SLX4IP: variants seen among roughly 807,000 people sequenced by gnomAD.
SLX4IP encodes protein SLX4IP.
SLX4IP carries 34 observed loss-of-function variants against 32.9 expected under a neutral mutation model. The observed-to-expected ratio is 1.03, with a 90% CI of 0.79 to 1.38. SLX4IP has a LOEUF of 1.38. Among genes scored for constraint, SLX4IP ranks in the 40% most tolerant of loss-of-function variants. The probability of loss-of-function intolerance (pLI) is 0.00; values close to 1 mark genes in which losing one functional copy is unlikely to be tolerated. For missense variants in SLX4IP, 444 were observed against 479.0 expected (o/e 0.93, Z 0.68); for synonymous variants, 172 against 171.7 (o/e 1.00, Z -0.01).
rs2067175330 is a variant in SLX4IP, at chr20:10,626,465, C to T, written c.*3086C>T. The stretch of plus-strand genomic sequence containing the variant: ...CCAAATTATATTCAAGTCCCTGTGA[C>T]TCCAATGCTTGGAGAAGTCATTGAT... On this transcript the variant is annotated 3_prime_UTR_variant, in exon 8 of 8. Coordinates refer to ENST00000334534, the MANE Select transcript of SLX4IP (RefSeq NM_001009608.3). The T allele has an allele frequency of 6.6e-6, 1 of 152,132 alleles. No individual in the cohort carries two copies. The highest frequency in any genetic ancestry group is 1.5e-5 in the Non-Finnish European group (1 of 68,028). The allele number at this position is 152,132 out of a possible 1,614,324, so 9.4% of individuals were successfully genotyped here. A position where few individuals can be genotyped will look rare whatever the true frequency, so the allele number is the denominator to read the frequency against.
chr20:10,572,178 G>A (rs974569793), intron 4 of SLX4IP, among the ~76,000 whole-genome samples: 3 of 152,170 alleles, frequency 2.0e-5, no homozygotes, highest in African/African-American at 7.2e-5. Context: ...CTACAGATGA[G>A]AGCCAGATTT....
intron 4 of SLX4IP, among the ~76,000 whole-genome samples, chr20:10,577,077 T>C (rs1340934530): frequency 6.6e-6 from 1 of 152,206 alleles, no homozygotes. Context: ...TTGCAAAAGC[T>C]TCACTTAAAT....
At chr20:10,548,356 A>T (rs1029121657) in intron 2 of SLX4IP, among the ~76,000 whole-genome samples, 4 of 151,960 alleles carry the variant, frequency 2.6e-5, no homozygotes, top group Admixed American at 6.5e-5. Flanking sequence ...CTCCTGCCTC[A>T]GCCTCCCGAG....
chr20:10,457,061 T>G (rs917031016), intron 1 of SLX4IP, among the ~76,000 whole-genome samples: 1 of 152,150 alleles, frequency 6.6e-6, no homozygotes, highest in Admixed American at 6.5e-5. Flanking sequence ...TTTAAAATAT[T>G]TATCATATAT....
chr20:10,574,625 A>G (rs551221909), intron 4 of SLX4IP, among the ~76,000 whole-genome samples: 220 of 152,110 alleles, frequency 1.4e-3, no homozygotes, highest in African/African-American at 5.1e-3. Flanking sequence ...AGCTCTACCA[A>G]ATACCCCAGG....
At chr20:10,486,257 C>G (rs140360114) in intron 2 of SLX4IP, among the ~76,000 whole-genome samples, 186 of 148,918 alleles carry the variant, frequency 1.2e-3, no homozygotes, top group Middle Eastern at 7.0e-3. Flanking sequence ...TTGAAACATT[C>G]AGGCTGAAAT....
rs1217460866 is a variant in SLX4IP at position 10,560,805 on chromosome 20, C to A, written c.223C>A (p.Pro75Thr). The A allele has an allele frequency of 6.2e-7, 1 of 1,601,198 alleles. No homozygotes were observed. The highest frequency in any genetic ancestry group is 2.3e-5 in the East Asian group (1 of 44,346). ...AAATGCAGAATTCACAAGATCCAATCCCTTGTCCTTAAAAGGTAGGCACAG... is the reference window on the plus strand; with the variant it reads ...AAATGCAGAATTCACAAGATCCAATACCTTGTCCTTAAAAGGTAGGCACAG... ...PSNAEFTRSN[P>T]LSLKGYGFQI... is the part of the protein sequence containing the mutation. The change falls in exon 4 of 8, where the codon CCC becomes ACC. Residue 75 changes from proline to threonine, a missense_variant. Pro to Thr is a conservative substitution (Grantham distance 38). Coordinates refer to ENST00000334534, the MANE Select transcript of SLX4IP (RefSeq NM_001009608.3).
chr20:10,502,289 T>G (rs891805172), intron 2 of SLX4IP, among the ~76,000 whole-genome samples: 1 of 152,168 alleles, frequency 6.6e-6, no homozygotes, highest in African/African-American at 2.4e-5. Context: ...CACTACCTGG[T>G]CTCTGTGCCC....
chr20:10,529,590 C>CAAAAAAAAAAAA lies in SLX4IP; in HGVS notation c.28-26628_28-26617dup. Among the ~76,000 whole-genome samples the CAAAAAAAAAAAA allele has an allele frequency of 3.7e-5, 2 of 53,640 alleles. 1 individual carries two copies. Among genetic ancestry groups the CAAAAAAAAAAAA allele is most frequent in the Non-Finnish European group, 6.4e-5 (2 of 31,196 alleles). 35.2% of individuals were successfully genotyped at this position (53,640 alleles called of 152,430 possible). A position where few individuals can be genotyped will look rare whatever the true frequency, so the allele number is the denominator to read the frequency against. ...TGGGTGACCGTGTGAGACTCCATCT[C>CAAAAAAAAAAAA]AAAAAAAAAAAAAAAAAAAAAAAAT... On this transcript the variant is annotated intron_variant, in intron 2 of 7. Transcript: ENST00000334534.
chr20:10,620,830 C>T (rs1374212508), intron 6 of SLX4IP, among the ~76,000 whole-genome samples: 1 of 152,214 alleles, frequency 6.6e-6, no homozygotes, highest in Non-Finnish European at 1.5e-5. Context: ...GCTGGGATTA[C>T]AGGCGTGAGC....
intron 2 of SLX4IP, among the ~76,000 whole-genome samples, chr20:10,538,239 C>T (rs79094022): frequency 0.011 from 1,607 of 152,014 alleles, 27 homozygotes; most frequent in African/African-American, 0.036. Flanking sequence ...GGCCTTTGAT[C>T]CCTACAAATT....
chr20:10,612,321 C>T (rs1600155891), intron 6 of SLX4IP, among the ~76,000 whole-genome samples: 2 of 152,160 alleles, frequency 1.3e-5, no homozygotes, highest in Admixed American at 6.5e-5. Flanking sequence ...GGCCCTGGGA[C>T]AAGCCAACAA....
intron 2 of SLX4IP, among the ~76,000 whole-genome samples, chr20:10,458,728 T>TATA (rs2065310039): frequency 1.3e-5 from 2 of 152,238 alleles, no homozygotes; most frequent in Admixed American, 6.5e-5. Flanking sequence ...TTCCATGGTG[T>TATA]ATATGTACCA....
At chr20:10,525,789 G>A (rs540063014) in intron 2 of SLX4IP, among the ~76,000 whole-genome samples, 8 of 152,294 alleles carry the variant, frequency 5.3e-5, no homozygotes, top group Admixed American at 3.3e-4. Context: ...AAGGCTCAGC[G>A]CACAGACGTC....
chr20:10,606,684 A>T (rs2066910146), intron 6 of SLX4IP, among the ~76,000 whole-genome samples: 1 of 152,230 alleles, frequency 6.6e-6, no homozygotes, highest in Non-Finnish European at 1.5e-5. Context: ...CCAAATATAT[A>T]TAAAGAAAAT....
At chr20:10,519,267 G>GCCTCTAAGTCTCCCGGCCCAC in intron 2 of SLX4IP, among the ~76,000 whole-genome samples, 1 of 152,224 alleles carries the variant, frequency 6.6e-6, no homozygotes, top group East Asian at 1.9e-4. Flanking sequence ...GTAGTTTTTA[G>GCCTCTAAGTCTCCCGGCCCAC]TATCTTCACA....
intron 2 of SLX4IP, among the ~76,000 whole-genome samples, chr20:10,522,182 ATCT>A (rs2065905565): frequency 6.6e-6 from 1 of 152,150 alleles, no homozygotes; most frequent in Non-Finnish European, 1.5e-5. Context: ...GTCTGTTTTG[ATCT>A]TCTGCTCTCA....
chr20:10,604,956 C>T (rs779414758), intron 6 of SLX4IP, among the ~76,000 whole-genome samples: 1 of 152,006 alleles, frequency 6.6e-6, no homozygotes, highest in Admixed American at 6.6e-5. Flanking sequence ...TTTTCCTCAC[C>T]GTTTTTTTCC....
intron 2 of SLX4IP, among the ~76,000 whole-genome samples, chr20:10,472,520 A>G (rs56229394): frequency 0.025 from 3,752 of 152,218 alleles, 131 homozygotes; most frequent in African/African-American, 0.085. Context: ...GTGAACCACC[A>G]TGCCCGGCCT....
Sources: gnomAD v4.1 joint callset for allele counts (sites outside exome capture counted in the v4.1 genomes callset) on GRCh38, gnomAD v4.1.1 for gene constraint, MANE v1.5 for transcripts, NCBI Gene and HGNC (gene_info 2026-07-23, HGNC 2026-07-21) for gene names.